Variants in TRPM3 observed in about 807,000 individuals in gnomAD.
The protein encoded by TRPM3 is transient receptor potential cation channel subfamily M member 3, also known as long transient receptor potential channel 3.
Under a neutral mutation model 181.2 loss-of-function variants are expected in TRPM3, and 77 were observed. The observed-to-expected ratio is 0.42, with a 90% CI of 0.35 to 0.51. The LOEUF is 0.51. Among genes scored for constraint, TRPM3 ranks in the 20% least tolerant of loss-of-function variants. The pLI, the probability that TRPM3 is intolerant of heterozygous loss-of-function variation, is 0.01. For missense variants in TRPM3, 1,759 were observed against 2,196.7 expected, an observed-to-expected ratio of 0.80 and a Z score of 3.98; for synonymous variants, 745 against 796.4, an observed-to-expected ratio of 0.94 and a Z score of 1.09.
intron 1 of TRPM3, among the ~76,000 whole-genome samples, chr9:70,876,854 A>AG (rs2095876168): frequency 6.6e-6 from 1 of 151,988 alleles, no homozygotes; most frequent in Non-Finnish European, 1.5e-5. Flanking sequence ...TTTTTAGAGC[A>AG]GTTTTAGGTT....
chr9:70,939,454 G>A (rs1564806567), intron 1 of TRPM3, among the ~76,000 whole-genome samples: 1 of 152,134 alleles, frequency 6.6e-6, no homozygotes, highest in Non-Finnish European at 1.5e-5. Context: ...ATATTAGTCA[G>A]CCTAACTGCT....
At position 71,121,570 on chromosome 9, in the gene TRPM3, C is replaced by CA. The variant is rs143597671; in HGVS notation, c.-217dup. On this transcript the variant is annotated 5_prime_UTR_variant, in exon 1 of 26. Transcript: ENST00000677713. The stretch of plus-strand genomic sequence containing the variant: ...GATGCACGATTTTGAAGAAGAGGGA[C>CA]AGCCTGCACAAAACAGCCTGTGGTC... 3.4e-3 allele frequency: 4,664 copies of CA among 1,352,082 alleles called. 116 individuals are homozygous for CA. The African/African-American group carries it at 0.06, about 17-fold the overall frequency. The allele number at this position is 1,352,082 out of a possible 1,614,324, so 83.8% of individuals were successfully genotyped here. A position where few individuals can be genotyped will look rare whatever the true frequency, so the allele number is the denominator to read the frequency against.
intron 1 of TRPM3, among the ~76,000 whole-genome samples, chr9:71,364,025 T>G (rs940725840): frequency 5.3e-5 from 8 of 152,154 alleles, no homozygotes; most frequent in African/African-American, 1.7e-4. Context: ...TGAAAGCTAT[T>G]TATTAATGCC....
chr9:70,988,134 TG>T (rs1302913442), intron 1 of TRPM3, among the ~76,000 whole-genome samples: 1 of 152,210 alleles, frequency 6.6e-6, no homozygotes, highest in Non-Finnish European at 1.5e-5. Context: ...ACACTGCTAT[TG>T]AGCAAGAGTT....
chr9:71,209,554 C>T (rs2309841), intron 1 of TRPM3, among the ~76,000 whole-genome samples: 65,304 of 152,004 alleles, frequency 0.43, 14,430 homozygotes, highest in East Asian at 0.52. Context: ...TATTGGCACA[C>T]CAAAAACAGC....
intron 22 of TRPM3, among the ~76,000 whole-genome samples, chr9:70,579,736 T>G (rs1226285850): frequency 6.6e-6 from 1 of 152,192 alleles, no homozygotes; most frequent in Non-Finnish European, 1.5e-5. Context: ...AGCAATTTAC[T>G]GCAGGCAGCG....
rs1474775888 is a variant in TRPM3, at chr9:70,633,158, A to G, written c.1632+2053T>C. 3.9e-5 allele frequency among the ~76,000 whole-genome samples: 6 copies of G among 152,274 alleles called. 1 individual carries two copies. The highest frequency in any genetic ancestry group is 2.6e-4 in the Admixed American group (4 of 15,306). ...AGCTGTCTCTTTAGAAAACCTCACA[A>G]TTCCTTCAGGGACAGAGATTAACTT... On this transcript the variant is annotated intron_variant, in intron 12 of 25. Coordinates refer to ENST00000677713, the MANE Select transcript of TRPM3 (RefSeq NM_001366145.2).
chr9:71,103,789 T>A (rs555149617), intron 1 of TRPM3, among the ~76,000 whole-genome samples: 2 of 152,296 alleles, frequency 1.3e-5, no homozygotes, highest in South Asian at 2.1e-4. Flanking sequence ...ACCTGGAACA[T>A]TTTTTTGAAG....
chr9:71,054,566 T>C (rs1365588822), intron 1 of TRPM3, among the ~76,000 whole-genome samples: 4 of 152,280 alleles, frequency 2.6e-5, no homozygotes, highest in Non-Finnish European at 5.9e-5. Flanking sequence ...GTCTGGTTTA[T>C]CTGAAATGAC....
intron 1 of TRPM3, among the ~76,000 whole-genome samples, chr9:71,333,327 T>C (rs1051890335): frequency 6.6e-6 from 1 of 151,984 alleles, no homozygotes; most frequent in Non-Finnish European, 1.5e-5. Context: ...TAGCTCCCAA[T>C]AGCATTCATG....
chr9:70,773,550 C>G (rs2080764272), intron 7 of TRPM3, among the ~76,000 whole-genome samples: 1 of 152,098 alleles, frequency 6.6e-6, no homozygotes, highest in South Asian at 2.1e-4. Context: ...TCCTTTTATT[C>G]TTCTCTATGA....
chr9:71,366,403 C>A (rs1359827722), intron 1 of TRPM3, among the ~76,000 whole-genome samples: 1 of 151,946 alleles, frequency 6.6e-6, no homozygotes, highest in Non-Finnish European at 1.5e-5. Context: ...AGGGAGAGGC[C>A]CTGTTGAGCT....
At chr9:70,998,301 T>C (rs1207833142) in intron 1 of TRPM3, among the ~76,000 whole-genome samples, 1 of 151,026 alleles carries the variant, frequency 6.6e-6, no homozygotes, top group Non-Finnish European at 1.5e-5. Flanking sequence ...ACATAACCTC[T>C]TTTACCAAAT....
In TRPM3 at chr9:70,610,714, C is replaced by A; in HGVS notation, c.2562G>T (p.Arg854Ser). ...MLGRNNGESS[R>S]KKDEEEVQSK... ...TCTGAACTTCCTCTTCATCCTTCTT[C>A]CTGGAGGACTCCCCGTTGTTTCGTC... Residue 854 changes from arginine (R) to serine (S), a missense_variant, in exon 19 of 26, where the codon AGG (arginine) becomes AGT (serine). Transcript: ENST00000677713. The A allele has an allele frequency of 6.2e-7, 1 of 1,614,164 alleles. No homozygotes were observed. Among genetic ancestry groups the A allele is most frequent in the Non-Finnish European group, 8.5e-7 (1 of 1,180,016 alleles).
chr9:71,384,657 C>G (rs1467041361), intron 1 of TRPM3, among the ~76,000 whole-genome samples: 1 of 152,142 alleles, frequency 6.6e-6, no homozygotes, highest in Non-Finnish European at 1.5e-5. Context: ...GTTTTCCTAG[C>G]CTTTAGCAAT....
chr9:71,304,267 G>C (rs2087053550), intron 1 of TRPM3, among the ~76,000 whole-genome samples: 1 of 152,142 alleles, frequency 6.6e-6, no homozygotes, highest in African/African-American at 2.4e-5. Flanking sequence ...TTCAGGTCTG[G>C]TTTTGATTTG....
At chr9:71,031,527 A>G (rs1271665067) in intron 1 of TRPM3, among the ~76,000 whole-genome samples, 2 of 152,154 alleles carry the variant, frequency 1.3e-5, no homozygotes, top group African/African-American at 4.8e-5. Flanking sequence ...AGAAAGCCAG[A>G]TACCTGACAT....
intron 1 of TRPM3, among the ~76,000 whole-genome samples, chr9:71,434,267 G>T (rs926764147): frequency 6.6e-6 from 1 of 152,162 alleles, no homozygotes; most frequent in Non-Finnish European, 1.5e-5. Flanking sequence ...ATATTAGGAG[G>T]TGGGGTCTTT....
intron 1 of TRPM3, among the ~76,000 whole-genome samples, chr9:71,318,083 C>A (rs921028954): frequency 6.6e-6 from 1 of 151,692 alleles, no homozygotes; most frequent in Admixed American, 6.6e-5. Context: ...GACCCTGTCT[C>A]TACAAAAAAC....
Sources: allele counts gnomAD v4.1 joint callset (sites outside exome capture counted in the v4.1 genomes callset), GRCh38; gene constraint gnomAD v4.1.1; transcripts MANE v1.5; gene names NCBI Gene and HGNC (gene_info 2026-07-23, HGNC 2026-07-21).